Variants in MLANA observed in about 807,000 individuals in gnomAD.
The protein encoded by MLANA is melan-A.
A neutral mutation model predicts 15.7 loss-of-function variants in MLANA; 21 were observed. The ratio of observed to expected loss-of-function variants is 1.33; its 90% CI spans 0.95 to 1.92. The LOEUF is 1.92. Ranked by LOEUF, MLANA falls within the 40% of genes most tolerant of loss-of-function variation. The probability of loss-of-function intolerance (pLI) is 0.00; values close to 1 mark genes in which losing one functional copy is unlikely to be tolerated. For synonymous variants in MLANA, 56 were observed against 51.5 expected (o/e 1.09, Z -0.37); for missense variants, 164 against 143.8 (o/e 1.14, Z -0.72).
chr9:5,901,523 T>C (rs1009667652), intron 3 of MLANA, among the ~76,000 whole-genome samples: 3 of 151,940 alleles, frequency 2.0e-5, no homozygotes, highest in African/African-American at 7.3e-5. Flanking sequence ...TCATTTCTCT[T>C]TTTCTTTTTT....
intron 4 of MLANA, among the ~76,000 whole-genome samples, chr9:5,907,880 G>C (rs1832920280): frequency 6.6e-6 from 1 of 152,186 alleles, no homozygotes; most frequent in African/African-American, 2.4e-5. Context: ...TTGAACCCGG[G>C]AGGTGGAGGT....
chr9:5,905,764 G>A (rs1394732002), intron 3 of MLANA, among the ~76,000 whole-genome samples: 1 of 152,154 alleles, frequency 6.6e-6, no homozygotes, highest in Non-Finnish European at 1.5e-5. Context: ...ATTGATTTAT[G>A]ATTTTTACCT....
rs999850052 is a variant in MLANA, at chr9:5,904,421, C to G, written c.175-2464C>G. Among the ~76,000 whole-genome samples, 14 of 152,108 alleles carry G rather than the reference C, an allele frequency of 9.2e-5. 1 individual carries two copies. The East Asian group carries it at 2.7e-3, about 29-fold the overall frequency. ...CTTTTTCTGCCTTTTGTGATTTTCA[C>G]TGGACATTTTATATGATTCCATTTT... is the stretch of plus-strand genomic sequence containing the variant. On this transcript the variant is annotated intron_variant, in intron 3 of 4. Transcript: ENST00000381477.
In MLANA at chr9:5,894,935, C is replaced by A. The variant is rs746445757; in HGVS notation, c.77+2384C>A. 6.6e-6 allele frequency among the ~76,000 whole-genome samples: 1 copy of A among 152,164 alleles called. No individual in the cohort carries two copies. The highest frequency in any genetic ancestry group is 6.5e-5 in the Admixed American group (1 of 15,282). ...TTATGACCACTATCATGTGAAGGAACCCCTTGACTGAAGGCACAAGCTTTC... is the reference window on the plus strand; with the variant it reads ...TTATGACCACTATCATGTGAAGGAAACCCTTGACTGAAGGCACAAGCTTTC... On this transcript the variant is annotated intron_variant, in intron 2 of 4. Coordinates refer to ENST00000381477, the MANE Select transcript of MLANA (RefSeq NM_005511.2). This position sits in a 1 kb window ranked among gnomAD's most constrained non-coding sequence, Gnocchi z 4.0.
intron 3 of MLANA, among the ~76,000 whole-genome samples, chr9:5,904,555 C>T (rs1832673484): frequency 6.6e-6 from 1 of 152,156 alleles, no homozygotes; most frequent in Non-Finnish European, 1.5e-5. Context: ...TCACTGCCAC[C>T]TCTGCCTCCC....
At chr9:5,907,132 T>C in intron 4 of MLANA, 134 bp downstream of exon 4, 1 of 445,546 alleles carries the variant, frequency 2.2e-6, no homozygotes, top group Non-Finnish European at 3.9e-6. Context: ...CACCTAAAAA[T>C]GGTTAAAATG....
chr9:5,908,273 T>C (rs930193934), intron 4 of MLANA, among the ~76,000 whole-genome samples: 1 of 152,252 alleles, frequency 6.6e-6, no homozygotes, highest in African/African-American at 2.4e-5. Flanking sequence ...AGTATCAATG[T>C]GCCTTTAGAC....
At chr9:5,906,176 T>G (rs980553021) in intron 3 of MLANA, among the ~76,000 whole-genome samples, 63 of 145,672 alleles carry the variant, frequency 4.3e-4, no homozygotes, top group Non-Finnish European at 7.4e-4. Context: ...CTTAGCAAGA[T>G]CATGTCTCTT....
rs561929054 is a variant in MLANA, at chr9:5,909,198, C to G, written c.*490C>G. ...CCTATTTATCTGATCAAGAACATGTCAGCAATGTCTCTTTGTGCTCTAAAA... is the reference window on the plus strand; with the variant it reads ...CCTATTTATCTGATCAAGAACATGTGAGCAATGTCTCTTTGTGCTCTAAAA... On this transcript the variant is annotated 3_prime_UTR_variant, in exon 5 of 5. Transcript: ENST00000381477. The G allele has an allele frequency of 1.9e-5, 3 of 153,972 alleles. No individual in the cohort carries two copies. Among genetic ancestry groups the G allele is most frequent in the African/African-American group, 7.2e-5 (3 of 41,482 alleles). 9.5% of individuals were successfully genotyped at this position (153,972 alleles called of 1,614,324 possible).
Position 5,894,517 on chromosome 9 carries a change from G to C in MLANA, c.77+1966G>C, listed in dbSNP as rs1273380668. Among the ~76,000 whole-genome samples, 1 of 152,162 alleles carries C rather than the reference G, an allele frequency of 6.6e-6. No homozygotes were observed. The highest frequency in any genetic ancestry group is 2.4e-5 in the African/African-American group (1 of 41,442). On this transcript the variant is annotated intron_variant, in intron 2 of 4. Coordinates refer to ENST00000381477, the MANE Select transcript of MLANA (RefSeq NM_005511.2). The surrounding 1 kb of genome is among the most constrained non-coding windows in gnomAD (Gnocchi z 4.0). The stretch of plus-strand genomic sequence containing the variant: ...CAGAAATGGGACCCAGATCTCTAAG[G>C]AGAGATTTTTGTTTGGCTGGTTCTG...
chr9:5,908,338 G>C (rs1417480838), intron 4 of MLANA, among the ~76,000 whole-genome samples: 3 of 152,160 alleles, frequency 2.0e-5, no homozygotes, highest in Non-Finnish European at 2.9e-5. Context: ...TCTATAAATA[G>C]CATTCAATGA....
intron 2 of MLANA, among the ~76,000 whole-genome samples, chr9:5,896,706 G>A (rs927005615): frequency 1.3e-5 from 2 of 152,224 alleles, no homozygotes; most frequent in South Asian, 2.1e-4. Flanking sequence ...CTTGCCCGGA[G>A]TGAACAGCTC....
intron 2 of MLANA, among the ~76,000 whole-genome samples, chr9:5,895,916 G>T (rs535882004): frequency 6.6e-6 from 1 of 152,356 alleles, no homozygotes; most frequent in Non-Finnish European, 1.5e-5. Context: ...AGCTCTGACT[G>T]TGTCAAGATA....
chr9:5,893,138 CTG>C (rs1831762116), intron 2 of MLANA, among the ~76,000 whole-genome samples: 1 of 152,340 alleles, frequency 6.6e-6, no homozygotes, highest in East Asian at 1.9e-4. Context: ...GCGTGAGACA[CTG>C]TTTTTATCTT....
At position 5,897,564 on chromosome 9, in the gene MLANA, G is replaced by T. The variant is rs750628106; in HGVS notation, c.85G>T (p.Gly29Trp). The change falls in exon 3 of 5, where the codon GGG (glycine) becomes TGG (tryptophan). Residue 29 changes from glycine to tryptophan, a missense_variant. By Grantham distance (184) the Gly-to-Trp change is radical (BLOSUM62 -2). Coordinates refer to ENST00000381477, the MANE Select transcript of MLANA (RefSeq NM_005511.2). ...HSYTTAEEAA[G>W]IGILTVILGV... ...GTCTATCTCTTGGGCCAGGGCCGCT[G>T]GGATCGGCATCCTGACAGTGATCCT... is the stretch of plus-strand genomic sequence containing the variant. 2 of 1,614,034 alleles carry T rather than the reference G, an allele frequency of 1.2e-6. No individual in the cohort carries two copies. The highest frequency in any genetic ancestry group is 4.5e-5 in the East Asian group (2 of 44,886).
intron 3 of MLANA, among the ~76,000 whole-genome samples, chr9:5,902,848 T>A (rs1458764722): frequency 6.6e-6 from 1 of 152,128 alleles, no homozygotes; most frequent in Non-Finnish European, 1.5e-5. Context: ...CTCTAATTTT[T>A]ATTTTTCCGC....
chr9:5,906,837 T>C (rs762900791), intron 3 of MLANA, 48 bp from the exon 4 acceptor site: 8 of 1,236,500 alleles, frequency 6.5e-6, no homozygotes, highest in Non-Finnish European at 8.9e-6. Flanking sequence ...CTTTAATGGA[T>C]TCAGTTACTT....
intron 2 of MLANA, among the ~76,000 whole-genome samples, chr9:5,892,879 T>C (rs1831743187): frequency 6.6e-6 from 1 of 152,124 alleles, no homozygotes; most frequent in Admixed American, 6.5e-5. Context: ...CCTCAATCCT[T>C]GTTCTGTCTC....
intron 1 of MLANA, chr9:5,891,448 C>T (rs1586909927): frequency 6.6e-6 from 1 of 152,172 alleles, no homozygotes; most frequent in East Asian, 1.9e-4. Flanking sequence ...GGGCAAATTA[C>T]ACATAAAATG....
Sources: allele counts gnomAD v4.1 joint callset (sites outside exome capture counted in the v4.1 genomes callset), GRCh38; gene constraint gnomAD v4.1.1; non-coding constraint Gnocchi (gnomAD v3.1); transcripts MANE v1.5; gene names NCBI Gene and HGNC (gene_info 2026-07-23, HGNC 2026-07-21).